The following RNF150 variants were observed in gnomAD, a reference collection of about 807,000 sequenced individuals.
RNF150 encodes ring finger protein 150.
A neutral mutation model predicts 39.3 loss-of-function variants in RNF150; 24 were observed. The observed-to-expected ratio is 0.61, with a 90% confidence interval of 0.44 to 0.86. The LOEUF (loss-of-function observed/expected upper bound fraction) is 0.86, where lower values mean the gene tolerates loss of function less well. RNF150 is among the 40% of genes least tolerant of loss of function. The pLI is 0.00. For missense variants in RNF150, 502 were observed against 587.8 expected (o/e 0.85, Z 1.51); for synonymous variants, 255 against 227.3 (o/e 1.12, Z -1.10).
intron 1 of RNF150, among the ~76,000 whole-genome samples, chr4:141,014,096 T>C (rs1578632276): frequency 6.6e-6 from 1 of 152,312 alleles, no homozygotes; most frequent in East Asian, 1.9e-4. Context: ...TATCTGTCTT[T>C]CCGTGCCTGG....
chr4:141,210,047 C>T (rs1433111674), intron 1 of RNF150, among the ~76,000 whole-genome samples: 3 of 102,762 alleles, frequency 2.9e-5, no homozygotes, highest in Admixed American at 9.6e-5. Context: ...TCATTAGTCA[C>T]AGATAATTGT....
chr4:141,200,852 T>C (rs747192971), intron 1 of RNF150, among the ~76,000 whole-genome samples: 6 of 152,188 alleles, frequency 3.9e-5, no homozygotes, highest in Admixed American at 2.0e-4. Flanking sequence ...TGGCTTACCA[T>C]TGACCCTCAA....
At chr4:140,916,115 G>A (rs62345041) in intron 5 of RNF150, among the ~76,000 whole-genome samples, 83,629 of 151,724 alleles carry the variant, frequency 0.55, 23,516 homozygotes, top group East Asian at 0.89. Flanking sequence ...CAGAAAAACC[G>A]GAAACTCTAA....
chr4:141,079,818 G>C (rs978201821), intron 1 of RNF150, among the ~76,000 whole-genome samples: 1 of 152,194 alleles, frequency 6.6e-6, no homozygotes, highest in Admixed American at 6.5e-5. Flanking sequence ...GTAGCAGGCC[G>C]AACTCCAGGC....
intron 6 of RNF150, among the ~76,000 whole-genome samples, chr4:140,899,974 C>CTCTCTCTGTGTGTGTGTG (rs1365683071): frequency 5.8e-5 from 4 of 69,164 alleles, no homozygotes; most frequent in African/African-American, 1.3e-4. Context: ...CTCTCTCTCT[C>CTCTCTCTGTGTGTGTGTG]TGTGTGTGTG....
At position 140,863,417 on chromosome 4, in the gene RNF150, A is replaced by G. The variant is rs770313360; in HGVS notation, c.*4844T>C. ...TCCTTTAGGGAGGACATTGGTTTAT[A>G]GTAAACAGGTTTGCCTCATCAGAAG... On this transcript the variant is annotated 3_prime_UTR_variant, in exon 7 of 7. Coordinates refer to ENST00000515673, the MANE Select transcript of RNF150 (RefSeq NM_020724.2). The G allele has an allele frequency of 2.0e-4, 31 of 152,356 alleles. No homozygotes were observed. The highest frequency in any genetic ancestry group is 3.1e-4 in the Non-Finnish European group (21 of 68,034). The allele number at this position is 152,356 out of a possible 1,614,324, so 9.4% of individuals were successfully genotyped here.
intron 1 of RNF150, among the ~76,000 whole-genome samples, chr4:141,006,323 T>C (rs1460108583): frequency 2.0e-5 from 3 of 151,864 alleles, no homozygotes; most frequent in African/African-American, 7.3e-5. Context: ...TCTCCATTTC[T>C]TGGGCATTTT....
chr4:141,136,975 G>T (rs1027692166), upstream of RNF150, among the ~76,000 whole-genome samples: 2 of 152,168 alleles, frequency 1.3e-5, no homozygotes, highest in South Asian at 4.1e-4. Flanking sequence ...ACCAGGAAAA[G>T]TACAAGTACA....
chr4:141,161,559 C>T (rs1459968695), intron 1 of RNF150, among the ~76,000 whole-genome samples: 3 of 152,204 alleles, frequency 2.0e-5, no homozygotes, highest in Admixed American at 6.5e-5. Flanking sequence ...GTGCTGATAG[C>T]CCAAGACAAT....
At chr4:141,072,583 T>A (rs1374297730) in intron 1 of RNF150, among the ~76,000 whole-genome samples, 1 of 152,190 alleles carries the variant, frequency 6.6e-6, no homozygotes. Flanking sequence ...AGTGTAAACA[T>A]CCTCACAGCA....
intron 4 of RNF150, among the ~76,000 whole-genome samples, chr4:140,942,150 T>C (rs1732111522): frequency 6.6e-6 from 1 of 152,114 alleles, no homozygotes; most frequent in Non-Finnish European, 1.5e-5. Context: ...AAATTTTATG[T>C]TATATACATT....
At chr4:140,907,971 T>G (rs1730453802) in intron 6 of RNF150, among the ~76,000 whole-genome samples, 3 of 152,226 alleles carry the variant, frequency 2.0e-5, no homozygotes, top group Admixed American at 1.3e-4. Context: ...TCTTCCTTTT[T>G]TGGTAATTTC....
intron 1 of RNF150, among the ~76,000 whole-genome samples, chr4:141,143,069 C>T (rs1045271332): frequency 7.9e-5 from 12 of 151,986 alleles, no homozygotes; most frequent in Non-Finnish European, 1.3e-4. Flanking sequence ...GGGGTTTCAC[C>T]GTGTTGCCCA....
chr4:140,954,624 C>T (rs1208180699), intron 2 of RNF150, among the ~76,000 whole-genome samples: 1 of 152,014 alleles, frequency 6.6e-6, no homozygotes, highest in African/African-American at 2.4e-5. Context: ...GGTTTATTGA[C>T]AATAGTGAAG....
rs1162450783 is a variant in RNF150 at position 140,863,589 on chromosome 4, GAAAAC to G, written c.*4667_*4671del. 1 of 151,896 alleles carries G rather than the reference GAAAAC, an allele frequency of 6.6e-6. No individual in the cohort carries two copies. Among genetic ancestry groups the G allele is most frequent in the Non-Finnish European group, 1.5e-5 (1 of 67,962 alleles). 9.4% of individuals were successfully genotyped at this position (151,896 alleles called of 1,614,324 possible). On this transcript the variant is annotated 3_prime_UTR_variant, in exon 7 of 7. Transcript: ENST00000515673. ...TTATTTCAGAGTTTCTTGCAAGAGA[GAAAAC>G]AAATCAGAAAAAAAGGGGAAGAGAG...
chr4:141,179,476 T>C (rs1416865958), intron 1 of RNF150, among the ~76,000 whole-genome samples: 1 of 152,246 alleles, frequency 6.6e-6, no homozygotes, highest in East Asian at 1.9e-4. Context: ...TTCTCACAAA[T>C]ACTCTCTGGT....
At chr4:141,191,391 C>G (rs1378306849) in intron 1 of RNF150, among the ~76,000 whole-genome samples, 1 of 152,226 alleles carries the variant, frequency 6.6e-6, no homozygotes, top group South Asian at 2.1e-4. Context: ...TATCCAATGT[C>G]AGAACCTCTG....
intron 4 of RNF150, among the ~76,000 whole-genome samples, chr4:140,935,626 T>C (rs1578983653): frequency 6.6e-6 from 1 of 152,322 alleles, no homozygotes; most frequent in East Asian, 1.9e-4. Flanking sequence ...ATATATAATG[T>C]TGTACACATA....
At chr4:141,039,428 A>C (rs111229209) in intron 1 of RNF150, among the ~76,000 whole-genome samples, 20 of 152,064 alleles carry the variant, frequency 1.3e-4, no homozygotes, top group African/African-American at 4.3e-4. Flanking sequence ...AAAAAGGGAG[A>C]GGAGAAAAGA....
Sources: allele counts gnomAD v4.1 joint callset (sites outside exome capture counted in the v4.1 genomes callset), GRCh38; gene constraint gnomAD v4.1.1; transcripts MANE v1.5; gene names NCBI Gene and HGNC (gene_info 2026-07-23, HGNC 2026-07-21).